Variants in DNAH9 observed in about 807,000 individuals in gnomAD.
DNAH9 encodes dynein axonemal heavy chain 9, also known as DNAH9 variant protein.
In DNAH9, 345 loss-of-function variants were observed where a neutral mutation model predicts 471.6. That is an observed-to-expected ratio of 0.73 (90% confidence interval 0.67 to 0.80). The LOEUF (loss-of-function observed/expected upper bound fraction) is 0.80. DNAH9 is among the 30% of genes least tolerant of loss of function. The pLI is 0.00. For synonymous variants in DNAH9, 2,093 were observed against 2,123.6 expected, an observed-to-expected ratio of 0.99 and a Z score of 0.40; for missense variants, 5,407 against 5,609.2, an observed-to-expected ratio of 0.96 and a Z score of 1.15.
At chr17:11,725,385 T>C (rs2075133603) in intron 27 of DNAH9, among the ~76,000 whole-genome samples, 1 of 152,240 alleles carries the variant, frequency 6.6e-6, no homozygotes, top group Admixed American at 6.5e-5. Flanking sequence ...GTTTTCCTTA[T>C]GGGAATATGA....
chr17:11,772,862 C>T (rs1968266797), intron 38 of DNAH9, among the ~76,000 whole-genome samples: 1 of 152,218 alleles, frequency 6.6e-6, no homozygotes, highest in African/African-American at 2.4e-5. Flanking sequence ...TTACAACATT[C>T]ATGCAATAAA....
chr17:11,854,199 A>G lies in DNAH9; in HGVS notation c.9704A>G (p.Glu3235Gly). 6.2e-7 allele frequency: 1 copy of G among 1,614,202 alleles called. No individual in the cohort carries two copies. The highest frequency in any genetic ancestry group is 8.5e-7 in the Non-Finnish European group (1 of 1,180,036). Residue 3235 changes from glutamate (E) to glycine (G), a missense_variant, in exon 50 of 69, where the codon GAG (glutamate) becomes GGG (glycine). Around this residue, in one of 3 missense-constraint regions of DNAH9, gnomAD observed 4,636 missense variants for 4,900.3 expected, o/e 0.95. Transcript: ENST00000262442. Reference protein sequence around the residue: ...LINFNKENIHENCLKAIRPYL... With the variant: ...LINFNKENIHGNCLKAIRPYL... ...AACTTCAACAAAGAGAACATTCACGAGAACTGCCTCAAAGCCATCAGGCCG... is the reference window on the plus strand; with the variant it reads ...AACTTCAACAAAGAGAACATTCACGGGAACTGCCTCAAAGCCATCAGGCCG...
rs2073541086 is a variant in DNAH9 at position 11,652,751 on chromosome 17, TGGGGAACA to T, written c.2354-7_2354del. The T allele has an allele frequency of 1.2e-6, 2 of 1,610,746 alleles. No homozygotes were observed. The highest frequency in any genetic ancestry group is 1.7e-6 in the Non-Finnish European group (2 of 1,178,576). On this transcript the variant is annotated splice_acceptor_variant and splice_polypyrimidine_tract_variant and intron_variant, in intron 13 of 68. Coordinates refer to ENST00000262442, the MANE Select transcript of DNAH9 (RefSeq NM_001372.4). LOFTEE classifies it high-confidence loss of function. ...CTATTTCAATTAATTATGTTTCTTT[TGGGGAACA>T]GGCATTTGCGATTATGTCACTGAAA...
At chr17:11,963,603 T>C (rs1976434040) in intron 68 of DNAH9, among the ~76,000 whole-genome samples, 1 of 152,126 alleles carries the variant, frequency 6.6e-6, no homozygotes, top group South Asian at 2.1e-4. Flanking sequence ...CTCAGCATCA[T>C]ACAATATTCC....
At chr17:11,849,645 T>C (rs1269394002) in intron 49 of DNAH9, among the ~76,000 whole-genome samples, 4 of 152,224 alleles carry the variant, frequency 2.6e-5, no homozygotes, top group Non-Finnish European at 5.9e-5. Context: ...CCCAGTGAAA[T>C]GTAGCTTCTT....
chr17:11,738,456 C>T lies in DNAH9; in HGVS notation c.5815-424C>T, dbSNP rs142338936. On this transcript the variant is annotated intron_variant, in intron 28 of 68. Transcript: ENST00000262442. ...AGTGCAGTAGCATGATCTCGGCTCA[C>T]GGCAACCTCCACCTCCCTGATTCAA... 1.2e-3 allele frequency among the ~76,000 whole-genome samples: 188 copies of T among 152,290 alleles called. 1 individual carries two copies. Among genetic ancestry groups the T allele is most frequent in the African/African-American group, 4.2e-3 (175 of 41,566 alleles).
At chr17:11,882,788 C>A (rs78256140) in intron 55 of DNAH9, 1 of 284,556 alleles carries the variant, frequency 3.5e-6, no homozygotes, top group Non-Finnish European at 5.3e-6. Flanking sequence ...GAAAAAGATT[C>A]GGTGAGGAGT....
intron 48 of DNAH9, among the ~76,000 whole-genome samples, chr17:11,832,345 A>T: frequency 6.6e-6 from 1 of 152,216 alleles, no homozygotes; most frequent in East Asian, 1.9e-4. Flanking sequence ...CAACCAAAAA[A>T]AAAGCCACTT....
At chr17:11,915,353 A>G (rs1200772915) in intron 61 of DNAH9, among the ~76,000 whole-genome samples, 1 of 152,038 alleles carries the variant, frequency 6.6e-6, no homozygotes, top group Non-Finnish European at 1.5e-5. Context: ...CTGAAACCCC[A>G]TCTCTACTAA....
rs3744580 is a variant in DNAH9 at position 11,745,127 on chromosome 17, T to C, written c.6399+43T>C. On this transcript the variant is annotated intron_variant, in intron 31 of 68. Transcript: ENST00000262442. ...TCCCAGGATTTCTCTATCTCTTACT[T>C]ATTGTCCAGGATAATGGGTTATCCT... 0.67 allele frequency: 1,025,433 copies of C among 1,521,676 alleles called. 348,986 individuals carry two copies. Among genetic ancestry groups the C allele is most frequent in the Admixed American group, 0.79 (45,250 of 57,116 alleles). 94.3% of individuals were successfully genotyped at this position (1,521,676 alleles called of 1,614,324 possible).
intron 49 of DNAH9, among the ~76,000 whole-genome samples, chr17:11,840,965 T>G (rs11869510): frequency 0.011 from 1,748 of 152,318 alleles, 28 homozygotes; most frequent in African/African-American, 0.038. Context: ...GAAGTTTGTT[T>G]TAACTTCTTA....
chr17:11,892,072 T>A lies in DNAH9; in HGVS notation c.11283+125T>A. The A allele has an allele frequency of 6.0e-6, 7 of 1,170,188 alleles. No individual in the cohort carries two copies. The highest frequency in any genetic ancestry group is 8.5e-6 in the Non-Finnish European group (7 of 822,524). 72.5% of individuals were successfully genotyped at this position (1,170,188 alleles called of 1,614,324 possible). ...CATGTCCAGACTATCTGTCTTTGGATAGAGGCATCAGACAAGAAGGTCCAA... is the reference window on the plus strand; with the variant it reads ...CATGTCCAGACTATCTGTCTTTGGAAAGAGGCATCAGACAAGAAGGTCCAA... On this transcript the variant is annotated intron_variant, in intron 58 of 68. Transcript: ENST00000262442. The surrounding 1 kb of genome is among the most constrained non-coding windows in gnomAD (Gnocchi z 4.3).
intron 67 of DNAH9, among the ~76,000 whole-genome samples, chr17:11,953,058 A>G (rs1975454028): frequency 1.3e-5 from 2 of 152,210 alleles, no homozygotes; most frequent in African/African-American, 4.8e-5. Context: ...CGAAAGTCCT[A>G]TCAGATTAGG....
chr17:11,777,143 A>C (rs1384943787), intron 38 of DNAH9, among the ~76,000 whole-genome samples: 2 of 152,202 alleles, frequency 1.3e-5, no homozygotes. Context: ...TTTTAGAGGA[A>C]AGAAGAGATG....
chr17:11,690,200 C>T lies in DNAH9; in HGVS notation c.4378C>T (p.Pro1460Ser), dbSNP rs774641556. 1.2e-6 allele frequency: 2 copies of T among 1,614,048 alleles called. No individual in the cohort carries two copies. The highest frequency in any genetic ancestry group is 8.5e-7 in the Non-Finnish European group (1 of 1,180,026). Residue 1460 changes from proline to serine, a missense_variant, in exon 20 of 69, where the codon CCC becomes TCC. This residue lies in a region of DNAH9 where 4,636 missense variants were observed against 4,900.3 expected (regional missense o/e 0.95). Transcript: ENST00000262442. The part of the protein sequence containing the change: ...QYEPHPRTNV[P>S]LLCSDEDLIE... The stretch of plus-strand genomic sequence containing the variant: ...TGAGCCCCACCCACGGACCAATGTC[C>T]CCCTCCTGTGCTCTGATGAGGACCT...
intron 6 of DNAH9, among the ~76,000 whole-genome samples, chr17:11,622,084 CAAAA>C (rs34441543): frequency 8.0e-6 from 1 of 125,038 alleles, no homozygotes; most frequent in Non-Finnish European, 1.7e-5. Flanking sequence ...GACTCCGTCT[CAAAA>C]AAAAAAAAAA....
intron 61 of DNAH9, among the ~76,000 whole-genome samples, chr17:11,907,676 T>C (rs1973654180): frequency 6.6e-6 from 1 of 152,118 alleles, no homozygotes; most frequent in Non-Finnish European, 1.5e-5. Context: ...ATGAAAGAAC[T>C]AACAGCATAT....
chr17:11,939,687 T>TA (rs2151043846), intron 66 of DNAH9, among the ~76,000 whole-genome samples: 1 of 152,332 alleles, frequency 6.6e-6, no homozygotes, highest in Non-Finnish European at 1.5e-5. Flanking sequence ...ACACTCCACA[T>TA]ACACTCATGA....
chr17:11,732,684 A>G (rs577423054), intron 28 of DNAH9, among the ~76,000 whole-genome samples: 28 of 152,190 alleles, frequency 1.8e-4, no homozygotes, highest in African/African-American at 6.7e-4. Flanking sequence ...AATGTCTAAG[A>G]TATTACTTAC....
Sources: gnomAD v4.1 joint callset for allele counts (sites outside exome capture counted in the v4.1 genomes callset) on GRCh38, gnomAD v4.1.1 for gene constraint, gnomAD v4.1.1 regional missense constraint, Gnocchi (gnomAD v3.1) non-coding constraint, MANE v1.5 for transcripts, NCBI Gene and HGNC (gene_info 2026-07-23, HGNC 2026-07-21) for gene names.